SCGB1D2: variants seen among roughly 807,000 people sequenced by gnomAD.
SCGB1D2 encodes the protein secretoglobin family 1D member 2.
SCGB1D2 carries 10 observed loss-of-function variants against 10.5 expected under a neutral mutation model. That is an observed-to-expected ratio of 0.95 (90% CI 0.59 to 1.61). The LOEUF is 1.61. SCGB1D2 is among the 40% of genes most tolerant of loss of function. The pLI, the probability that SCGB1D2 is intolerant of heterozygous loss-of-function variation, is 0.00. For synonymous variants in SCGB1D2, 42 were observed against 42.8 expected (o/e 0.98, Z 0.08); for missense variants, 113 against 103.8 (o/e 1.09, Z -0.38).
chr11:62,242,895 C>T (rs1219196617), intron 1 of SCGB1D2, among the ~76,000 whole-genome samples: 1 of 152,128 alleles, frequency 6.6e-6, no homozygotes, highest in Admixed American at 6.6e-5. Context: ...TGAGTCCGGC[C>T]TAGGCAACGT....
intron 2 of SCGB1D2, 89 bp downstream of exon 2, chr11:62,243,565 G>A (rs1945082610): frequency 8.6e-7 from 1 of 1,158,076 alleles, no homozygotes; most frequent in Non-Finnish European, 1.2e-6. Context: ...GGGGACACAG[G>A]TGGTGGGGCA....
In SCGB1D2 at chr11:62,244,719, T is replaced by C. The variant is rs199512911; in HGVS notation, c.*20T>C. ...GTGTGACATGTAAAAACTTTCATCC[T>C]GGTTTCCACTGTCTTTCAATGACAC... On this transcript the variant is annotated 3_prime_UTR_variant, in exon 3 of 3. Transcript: ENST00000244926. 1.9e-6 allele frequency: 3 copies of C among 1,601,928 alleles called. No individual in the cohort carries two copies. Among genetic ancestry groups the C allele is most frequent in the Admixed American group, 1.7e-5 (1 of 59,892 alleles).
chr11:62,243,351 C>T lies in SCGB1D2; in HGVS notation c.118C>T (p.Pro40Ser). 1 of 1,614,036 alleles carries T rather than the reference C, an allele frequency of 6.2e-7. No homozygotes were observed. Among genetic ancestry groups the T allele is most frequent in the Non-Finnish European group, 8.5e-7 (1 of 1,179,894 alleles). ...ELLDFFFISE[P>S]LFKLSLAKFD... ...GTTAGACTTCTTCTTCATTAGTGAACCTCTGTTCAAGTTAAGTCTTGCCAA... is the reference window on the plus strand; with the variant it reads ...GTTAGACTTCTTCTTCATTAGTGAATCTCTGTTCAAGTTAAGTCTTGCCAA... Residue 40 changes from proline (P) to serine (S), a missense_variant, in exon 2 of 3, where the codon CCT becomes TCT. By Grantham distance (74) the Pro-to-Ser change is moderately conservative. Coordinates refer to ENST00000244926, the MANE Select transcript of SCGB1D2 (RefSeq NM_006551.4).
At chr11:62,244,629 G>A (rs768073874) in intron 2 of SCGB1D2, 41 bp from the exon 3 acceptor site, 2 of 1,596,356 alleles carry the variant, frequency 1.3e-6, no homozygotes, top group East Asian at 2.2e-5. Flanking sequence ...TCCAGCAGCA[G>A]CATGACTGAC....
chr11:62,243,545 C>A, intron 2 of SCGB1D2, 69 bp downstream of exon 2: 1 of 1,376,994 alleles, frequency 7.3e-7, no homozygotes, highest in Non-Finnish European at 1.0e-6. Context: ...GGTCAGCTTG[C>A]TGCTCTGTTG....
chr11:62,244,491 C>CA lies in SCGB1D2; in HGVS notation c.244-178dup, dbSNP rs1945092463. ...GCCTGGCAAGAAAAGGCTGCTCCAT[C>CA]ACCGGCATGGGTGCTGTGAGGCCAC... On this transcript the variant is annotated intron_variant, in intron 2 of 2. Coordinates refer to ENST00000244926, the MANE Select transcript of SCGB1D2 (RefSeq NM_006551.4). 2.0e-5 allele frequency among the ~76,000 whole-genome samples: 3 copies of CA among 152,296 alleles called. No homozygotes were observed. The South Asian group carries it at 6.2e-4, about 32-fold the overall frequency.
chr11:62,243,693 T>G (rs1485363997), intron 2 of SCGB1D2, among the ~76,000 whole-genome samples: 1 of 152,136 alleles, frequency 6.6e-6, no homozygotes, highest in African/African-American at 2.4e-5. Flanking sequence ...CTCCTTCTCA[T>G]GTCACCTGCC....
chr11:62,243,434 T>C lies in SCGB1D2; in HGVS notation c.201T>C (p.Asp67=), dbSNP rs773007478. The C allele has an allele frequency of 4.3e-6, 7 of 1,613,606 alleles. No homozygotes were observed. In the Admixed American group the frequency reaches 6.7e-5, roughly 15 times the overall value. ...AGTTAGGAGTGAAGAGATGCACGGA[T>C]CAGATGTCCCTTCAGAAACGAAGCC... ...AAKLGVKRCT[D]QMSLQKRSLI... is the part of the protein sequence containing the mutation. The change falls in exon 2 of 3, where the codon GAT becomes GAC. Residue 67 remains aspartate (D), a synonymous_variant. Coordinates refer to ENST00000244926, the MANE Select transcript of SCGB1D2 (RefSeq NM_006551.4).
At chr11:62,244,494 C>T (rs1284615350) in intron 2 of SCGB1D2, among the ~76,000 whole-genome samples, 176 bp from the exon 3 acceptor site, 3 of 152,160 alleles carry the variant, frequency 2.0e-5, no homozygotes, top group African/African-American at 7.2e-5. Flanking sequence ...GCTCCATCAC[C>T]GGCATGGGTG....
In SCGB1D2 at chr11:62,243,361, A is replaced by C. The variant is rs750381430; in HGVS notation, c.128A>C (p.Lys43Thr). The C allele has an allele frequency of 2.5e-6, 4 of 1,614,032 alleles. No individual in the cohort carries two copies. The South Asian group carries it at 4.4e-5, about 18-fold the overall frequency. Residue 43 changes from lysine (K) to threonine (T), a missense_variant, in exon 2 of 3, where the codon AAG becomes ACG. Physicochemically the swap from Lys to Thr is moderately conservative, Grantham distance 78 (BLOSUM62 -1). Transcript: ENST00000244926. ...TTCTTCATTAGTGAACCTCTGTTCA[A>C]GTTAAGTCTTGCCAAATTTGATGCC... The part of the protein sequence containing the change: ...DFFFISEPLF[K>T]LSLAKFDAPP...
At chr11:62,242,439 C>A in intron 1 of SCGB1D2, 77 bp downstream of exon 1, 1 of 1,497,710 alleles carries the variant, frequency 6.7e-7, no homozygotes, top group Non-Finnish European at 9.3e-7. Flanking sequence ...CCTATTCAGG[C>A]TGGGGTTAGG....
intron 2 of SCGB1D2, among the ~76,000 whole-genome samples, chr11:62,243,787 C>T (rs564028212): frequency 2.0e-5 from 3 of 152,222 alleles, no homozygotes; most frequent in East Asian, 1.9e-4. Flanking sequence ...CAAGCATGGC[C>T]GCCTCGCTGC....
At chr11:62,243,610 T>G (rs1388530616) in intron 2 of SCGB1D2, 134 bp downstream of exon 2, 2 of 716,284 alleles carry the variant, frequency 2.8e-6, no homozygotes, top group Non-Finnish European at 4.7e-6. Flanking sequence ...GAAGGTCACC[T>G]GGGGCCACAG....
rs969117030 is a variant in SCGB1D2, at chr11:62,244,737, A to T, written c.*38A>T. 1.3e-6 allele frequency: 2 copies of T among 1,556,356 alleles called. No homozygotes were observed. Among genetic ancestry groups the T allele is most frequent in the Non-Finnish European group, 1.8e-6 (2 of 1,128,226 alleles). On this transcript the variant is annotated 3_prime_UTR_variant, in exon 3 of 3. Transcript: ENST00000244926. ...TTCATCCTGGTTTCCACTGTCTTTC[A>T]ATGACACCCTGATCTTCACTGCAGA...
chr11:62,242,253 G>A lies in SCGB1D2; in HGVS notation c.-55G>A. 1.3e-6 allele frequency: 2 copies of A among 1,594,060 alleles called. No individual in the cohort carries two copies. Among genetic ancestry groups the A allele is most frequent in the Non-Finnish European group, 1.7e-6 (2 of 1,162,494 alleles). On this transcript the variant is annotated 5_prime_UTR_variant, in exon 1 of 3. Coordinates refer to ENST00000244926, the MANE Select transcript of SCGB1D2 (RefSeq NM_006551.4). ...TGCAGCTCCACAGGCTCCTGGGGTG[G>A]AGTCCAAATCACTCATTGTTTGTGA...
chr11:62,244,703 G>A lies in SCGB1D2; in HGVS notation c.*4G>A, dbSNP rs775600760. On this transcript the variant is annotated 3_prime_UTR_variant, in exon 3 of 3. Coordinates refer to ENST00000244926, the MANE Select transcript of SCGB1D2 (RefSeq NM_006551.4). ...ATTGAAGAAATGTAGTGTGTGACATGTAAAAACTTTCATCCTGGTTTCCAC... is the reference window on the plus strand; with the variant it reads ...ATTGAAGAAATGTAGTGTGTGACATATAAAAACTTTCATCCTGGTTTCCAC... The A allele has an allele frequency of 5.6e-6, 9 of 1,612,178 alleles. No individual in the cohort carries two copies. The highest frequency in any genetic ancestry group is 7.6e-6 in the Non-Finnish European group (9 of 1,178,592).
Position 62,242,338 on chromosome 11 carries a change from A to T in SCGB1D2, c.31A>T (p.Thr11Ser), listed in dbSNP as rs1945069403. 1.2e-6 allele frequency: 2 copies of T among 1,614,094 alleles called. No individual in the cohort carries two copies. Among genetic ancestry groups the T allele is most frequent in the South Asian group, 2.2e-5 (2 of 91,068 alleles). The change falls in exon 1 of 3, where the codon ACG (threonine) becomes TCG (serine). Residue 11 changes from threonine (T) to serine (S), a missense_variant. Thr to Ser is a moderately conservative substitution (Grantham distance 58). Coordinates refer to ENST00000244926, the MANE Select transcript of SCGB1D2 (RefSeq NM_006551.4). MKLSVCLLLVTLALCCYQANA... is the reference protein window; with the variant it reads MKLSVCLLLVSLALCCYQANA... ...GCTGTCGGTGTGTCTCCTGCTGGTC[A>T]CGCTGGCCCTCTGCTGCTACCAGGG... is the stretch of plus-strand genomic sequence containing the variant.
chr11:62,243,748 C>T (rs1945085017), intron 2 of SCGB1D2, among the ~76,000 whole-genome samples: 1 of 152,082 alleles, frequency 6.6e-6, no homozygotes, highest in Non-Finnish European at 1.5e-5. Context: ...GGGGAGTGAG[C>T]CTGGGCCCAG....
Position 62,243,382 on chromosome 11 carries a change from A to G in SCGB1D2, c.149A>G (p.Asp50Gly). ...TTCAAGTTAAGTCTTGCCAAATTTG[A>G]TGCCCCTCCGGAAGCTGTTGCAGCC... ...PLFKLSLAKFDAPPEAVAAKL... is the reference protein window; with the variant it reads ...PLFKLSLAKFGAPPEAVAAKL... Residue 50 changes from aspartate to glycine, a missense_variant, in exon 2 of 3, where the codon GAT (aspartate) becomes GGT (glycine). Transcript: ENST00000244926. 1 of 1,614,040 alleles carries G rather than the reference A, an allele frequency of 6.2e-7. No individual in the cohort carries two copies. The highest frequency in any genetic ancestry group is 8.5e-7 in the Non-Finnish European group (1 of 1,179,920).
Sources: allele counts gnomAD v4.1 joint callset (sites outside exome capture counted in the v4.1 genomes callset), GRCh38; gene constraint gnomAD v4.1.1; transcripts MANE v1.5; gene names NCBI Gene and HGNC (gene_info 2026-07-23, HGNC 2026-07-21).